The following SERGEF variants were observed in gnomAD, a reference collection of about 807,000 sequenced individuals.
SERGEF encodes secretion regulating guanine nucleotide exchange factor, also known as secretion-regulating guanine nucleotide exchange factor.
Under a neutral mutation model 50.0 loss-of-function variants are expected in SERGEF, and 51 were observed. That is an observed-to-expected ratio of 1.02 (90% confidence interval 0.81 to 1.29). SERGEF has a LOEUF of 1.29. Among genes scored for constraint, SERGEF ranks in the 50% most tolerant of loss-of-function variants. The pLI is 0.00. For missense variants in SERGEF, 521 were observed against 557.0 expected, an observed-to-expected ratio of 0.94 and a Z score of 0.65; for synonymous variants, 205 against 212.4, an observed-to-expected ratio of 0.97 and a Z score of 0.30.
At chr11:17,904,203 G>A (rs1158204168) in intron 9 of SERGEF, among the ~76,000 whole-genome samples, 7 of 152,224 alleles carry the variant, frequency 4.6e-5, no homozygotes, top group Non-Finnish European at 7.3e-5. Flanking sequence ...CATTTCCAAG[G>A]CTGGAAGTAG....
At chr11:17,968,820 G>C (rs1029316122) in intron 8 of SERGEF, among the ~76,000 whole-genome samples, 1 of 152,078 alleles carries the variant, frequency 6.6e-6, no homozygotes, top group Non-Finnish European at 1.5e-5. Flanking sequence ...GACGTTAATT[G>C]CTACAGAGAA....
At chr11:18,001,080 T>C (rs549721333) in intron 4 of SERGEF, among the ~76,000 whole-genome samples, 3 of 152,196 alleles carry the variant, frequency 2.0e-5, no homozygotes, top group Non-Finnish European at 4.4e-5. Flanking sequence ...CCCAGTGACA[T>C]AGGGATCGCC....
At chr11:17,919,680 T>TG (rs780251694) in intron 9 of SERGEF, among the ~76,000 whole-genome samples, 9 of 152,182 alleles carry the variant, frequency 5.9e-5, no homozygotes, top group Non-Finnish European at 1.3e-4. Context: ...TCACTCCACT[T>TG]GAGTCATGCC....
At chr11:17,854,916 T>A (rs1590158127) in intron 10 of SERGEF, 1 of 152,204 alleles carries the variant, frequency 6.6e-6, no homozygotes, top group African/African-American at 2.4e-5. Flanking sequence ...TTATATATAT[T>A]ATCCCGTCTA....
At chr11:17,867,660 C>A (rs1176140370) in intron 10 of SERGEF, among the ~76,000 whole-genome samples, 2 of 152,240 alleles carry the variant, frequency 1.3e-5, no homozygotes, top group East Asian at 3.8e-4. Context: ...CCACATTTCC[C>A]TTCCACACTG....
At chr11:17,811,393 A>G (rs1043438017) in intron 10 of SERGEF, among the ~76,000 whole-genome samples, 7 of 152,352 alleles carry the variant, frequency 4.6e-5, no homozygotes, top group East Asian at 3.9e-4. Flanking sequence ...TCAAAACTCA[A>G]TTGCTGATAG....
At chr11:17,926,925 G>C in intron 9 of SERGEF, 1 of 445,642 alleles carries the variant, frequency 2.2e-6, no homozygotes, top group Admixed American at 2.4e-5. Context: ...CAGACTGTCT[G>C]CTCCTATGCC....
intron 9 of SERGEF, among the ~76,000 whole-genome samples, chr11:17,921,185 A>G (rs1042515118): frequency 1.3e-5 from 2 of 152,254 alleles, no homozygotes; most frequent in African/African-American, 2.4e-5. Flanking sequence ...CATCTGATAC[A>G]TTATTGTACT....
chr11:17,990,180 T>C (rs913595045), intron 7 of SERGEF, among the ~76,000 whole-genome samples: 3 of 152,218 alleles, frequency 2.0e-5, no homozygotes, highest in Non-Finnish European at 2.9e-5. Flanking sequence ...AACAGTATCA[T>C]TAAGGGGCTT....
chr11:17,945,709 G>T (rs544382067), intron 9 of SERGEF, among the ~76,000 whole-genome samples: 13 of 152,172 alleles, frequency 8.5e-5, no homozygotes, highest in Non-Finnish European at 1.8e-4. Context: ...CACTTTGGGA[G>T]GCTAAGGCAG....
At chr11:17,915,518 A>G (rs1395319754) in intron 9 of SERGEF, among the ~76,000 whole-genome samples, 1 of 152,196 alleles carries the variant, frequency 6.6e-6, no homozygotes, top group Non-Finnish European at 1.5e-5. Flanking sequence ...ATCAAACTGA[A>G]ACACTTTTTC....
chr11:17,820,556 C>A (rs1850061831), intron 10 of SERGEF, among the ~76,000 whole-genome samples: 2 of 152,112 alleles, frequency 1.3e-5, no homozygotes, highest in East Asian at 3.9e-4. Context: ...GTCTCAGTGT[C>A]TTCATCTGAA....
intron 9 of SERGEF, among the ~76,000 whole-genome samples, chr11:17,943,305 A>G (rs1358029610): frequency 6.6e-6 from 1 of 152,124 alleles, no homozygotes; most frequent in Non-Finnish European, 1.5e-5. Context: ...GTGTTTTTGT[A>G]CACTGTAGTT....
intron 9 of SERGEF, among the ~76,000 whole-genome samples, chr11:17,895,523 C>T (rs1433819622): frequency 6.6e-6 from 1 of 152,166 alleles, no homozygotes; most frequent in Non-Finnish European, 1.5e-5. Flanking sequence ...GCCAGAAGTC[C>T]AGTTCCTAGC....
intron 10 of SERGEF, among the ~76,000 whole-genome samples, chr11:17,853,256 T>C (rs12286266): frequency 0.022 from 3,368 of 152,266 alleles, 103 homozygotes; most frequent in African/African-American, 0.077. Flanking sequence ...CAGTAAGTGT[T>C]AGCTGTCACT....
intron 10 of SERGEF, among the ~76,000 whole-genome samples, chr11:17,793,764 G>T (rs530604203): frequency 4.6e-5 from 7 of 152,324 alleles, no homozygotes; most frequent in African/African-American, 1.7e-4. Flanking sequence ...GACTTGGGTG[G>T]AGAGCCCCAT....
intron 9 of SERGEF, among the ~76,000 whole-genome samples, chr11:17,910,193 A>ACT (rs1219567785): frequency 0.013 from 1,841 of 145,726 alleles, 32 homozygotes; most frequent in African/African-American, 0.041. Flanking sequence ...ACACACACAC[A>ACT]CTCTCTCTCT....
intron 10 of SERGEF, among the ~76,000 whole-genome samples, chr11:17,796,019 G>A (rs1849566913): frequency 6.6e-6 from 1 of 152,084 alleles, no homozygotes; most frequent in Non-Finnish European, 1.5e-5. Flanking sequence ...GTTATGCAAA[G>A]CCCCTATATA....
rs1268784131 is a variant in SERGEF, at chr11:17,991,611, C to A, written c.685+1320G>T. On this transcript the variant is annotated intron_variant, in intron 7 of 10. Coordinates refer to ENST00000265965, the MANE Select transcript of SERGEF (RefSeq NM_012139.4). This position sits in a 1 kb window ranked among gnomAD's most constrained non-coding sequence, Gnocchi z 4.9. ...ATTCATTTCAACTCAACACTTTTAA[C>A]AAATATTAATATATAAATCTACCTA... is the stretch of plus-strand genomic sequence containing the variant. 6.6e-6 allele frequency among the ~76,000 whole-genome samples: 1 copy of A among 152,200 alleles called. No homozygotes were observed. The highest frequency in any genetic ancestry group is 1.5e-5 in the Non-Finnish European group (1 of 68,040).
Sources: allele counts gnomAD v4.1 joint callset (sites outside exome capture counted in the v4.1 genomes callset), GRCh38; gene constraint gnomAD v4.1.1; non-coding constraint Gnocchi (gnomAD v3.1); transcripts MANE v1.5; gene names NCBI Gene and HGNC (gene_info 2026-07-23, HGNC 2026-07-21).